STIMATE: variants seen among roughly 807,000 people sequenced by gnomAD.
STIMATE encodes the protein STIM activating enhancer, also known as store-operated calcium entry regulator STIMATE.
A neutral mutation model predicts 36.7 loss-of-function variants in STIMATE; 15 were observed. The ratio of observed to expected loss-of-function variants is 0.41; its 90% CI spans 0.27 to 0.63. STIMATE has a LOEUF of 0.63. Ranked by LOEUF, STIMATE falls within the 20% of genes least tolerant of loss-of-function variation. The pLI is 0.32. For synonymous variants in STIMATE, 163 were observed against 162.3 expected (o/e 1.00, Z -0.03); for missense variants, 305 against 397.3 (o/e 0.77, Z 1.98).
chr3:52,855,917 T>C (rs112125620), intron 1 of STIMATE, among the ~76,000 whole-genome samples: 19 of 152,198 alleles, frequency 1.2e-4, no homozygotes, highest in Non-Finnish European at 2.9e-5. Flanking sequence ...ACATACGGTG[T>C]GACACGTGCT....
chr3:52,840,662 A>G, intron 7 of STIMATE, 52 bp from the exon 8 acceptor site: 1 of 1,527,752 alleles, frequency 6.5e-7, no homozygotes, highest in Non-Finnish European at 8.9e-7. Flanking sequence ...GGCCTTCTTC[A>G]TTTGCCCTCC....
At chr3:52,841,637 G>C (rs538987052) in intron 7 of STIMATE, 32 of 152,526 alleles carry the variant, frequency 2.1e-4, no homozygotes, top group African/African-American at 6.7e-4. Context: ...TCCCTTGCGG[G>C]GCTTCCTGCC....
At chr3:52,874,234 T>C (rs889016872) in intron 1 of STIMATE, among the ~76,000 whole-genome samples, 4 of 152,214 alleles carry the variant, frequency 2.6e-5, no homozygotes, top group Admixed American at 2.0e-4. Context: ...ATACTTACAA[T>C]GCGTGAGTTT....
rs151157709 is a variant in STIMATE at position 52,880,862 on chromosome 3, A to G, written c.160+16429T>C. 5.4e-4 allele frequency among the ~76,000 whole-genome samples: 83 copies of G among 152,342 alleles called. 2 individuals carry two copies. The East Asian group carries it at 0.014, about 26-fold the overall frequency. Reference sequence around the variant, plus strand: ...ATCTTTGTTCACCAATCCATTGTGGACTATAGAAACTCAGATTTCCTACCA... The same window carrying G: ...ATCTTTGTTCACCAATCCATTGTGGGCTATAGAAACTCAGATTTCCTACCA... On this transcript the variant is annotated intron_variant, in intron 1 of 7. Coordinates refer to ENST00000355083, the MANE Select transcript of STIMATE (RefSeq NM_198563.5).
chr3:52,892,674 C>T (rs1225808066), intron 1 of STIMATE, among the ~76,000 whole-genome samples: 3 of 152,220 alleles, frequency 2.0e-5, no homozygotes, highest in Non-Finnish European at 2.9e-5. Flanking sequence ...AGAGTATTCA[C>T]ATGATCTCAA....
At chr3:52,850,788 C>T (rs141233405) in intron 3 of STIMATE, among the ~76,000 whole-genome samples, 50 of 152,268 alleles carry the variant, frequency 3.3e-4, no homozygotes, top group Admixed American at 8.5e-4. Flanking sequence ...TGGAGTGCAG[C>T]GGTGCAATCA....
intron 4 of STIMATE, among the ~76,000 whole-genome samples, chr3:52,847,917 C>T (rs943129407): frequency 9.2e-5 from 14 of 152,046 alleles, no homozygotes; most frequent in Non-Finnish European, 1.6e-4. Context: ...TTGGCTTGGA[C>T]GACGGAAGGA....
chr3:52,897,373 G>A lies in STIMATE; in HGVS notation c.78C>T (p.Arg26=). The A allele has an allele frequency of 6.6e-7, 1 of 1,511,168 alleles. No individual in the cohort carries two copies. The highest frequency in any genetic ancestry group is 8.8e-7 in the Non-Finnish European group (1 of 1,136,534). The allele number at this position is 1,511,168 out of a possible 1,614,324, so 93.6% of individuals were successfully genotyped here. The change falls in exon 1 of 8, where the codon CGC becomes CGT. Residue 26 remains arginine (R), a synonymous_variant. Coordinates refer to ENST00000355083, the MANE Select transcript of STIMATE (RefSeq NM_198563.5). ...PPSTVASGAG[R]CESGALMHSF... is the part of the protein sequence containing the mutation. ...TGTGCATGAGCGCGCCGCTCTCGCA[G>A]CGGCCCGCCCCGGACGCGACTGTGG...
At chr3:52,860,411 C>T (rs895367333) in intron 1 of STIMATE, among the ~76,000 whole-genome samples, 4 of 152,044 alleles carry the variant, frequency 2.6e-5, no homozygotes, top group East Asian at 1.9e-4. Flanking sequence ...GGCCAAGTCA[C>T]GAGGGTCTCG....
At position 52,868,467 on chromosome 3, in the gene STIMATE, C is replaced by T. The variant is rs1244602376; in HGVS notation, c.161-13023G>A. ...CTTGAAATCTAGTTCCAGCTTTATC[C>T]AAAATTTTATGATTTTAAGCCAGTC... On this transcript the variant is annotated intron_variant, in intron 1 of 7. Transcript: ENST00000355083. Among the ~76,000 whole-genome samples the T allele has an allele frequency of 2.0e-5, 3 of 152,130 alleles. No homozygotes were observed. The East Asian group carries it at 5.8e-4, about 29-fold the overall frequency.
At chr3:52,844,471 C>T (rs768440994) in intron 5 of STIMATE, among the ~76,000 whole-genome samples, 1 of 152,228 alleles carries the variant, frequency 6.6e-6, no homozygotes, top group African/African-American at 2.4e-5. Flanking sequence ...CGTGGCACCA[C>T]ATGGCTCAGT....
chr3:52,889,744 G>C (rs1329173299), intron 1 of STIMATE, among the ~76,000 whole-genome samples: 1 of 152,164 alleles, frequency 6.6e-6, no homozygotes, highest in East Asian at 1.9e-4. Context: ...TAGTCCCAAA[G>C]ATAAACAGTG....
intron 1 of STIMATE, among the ~76,000 whole-genome samples, chr3:52,891,490 G>C (rs1701781671): frequency 6.6e-6 from 1 of 152,198 alleles, no homozygotes; most frequent in South Asian, 2.1e-4. Context: ...TCATCACCTG[G>C]AAGTGGGGCA....
intron 1 of STIMATE, among the ~76,000 whole-genome samples, chr3:52,885,839 C>G (rs1196406345): frequency 6.6e-6 from 1 of 152,212 alleles, no homozygotes; most frequent in Non-Finnish European, 1.5e-5. Context: ...GGGAAGACCA[C>G]AGGGCTCACC....
At chr3:52,877,074 T>A (rs1349409613) in intron 1 of STIMATE, among the ~76,000 whole-genome samples, 1 of 152,258 alleles carries the variant, frequency 6.6e-6, no homozygotes, top group Non-Finnish European at 1.5e-5. Context: ...TGAAGTTCAC[T>A]GGCACAGGCC....
At chr3:52,843,098 G>C (rs1202581145) in intron 6 of STIMATE, 138 bp from the exon 7 acceptor site, 2 of 1,410,648 alleles carry the variant, frequency 1.4e-6, no homozygotes, top group Non-Finnish European at 1.9e-6. Context: ...CAATCACCCT[G>C]CTCTCTCCCA....
chr3:52,892,835 G>C (rs1458456520), intron 1 of STIMATE, among the ~76,000 whole-genome samples: 1 of 152,212 alleles, frequency 6.6e-6, no homozygotes, highest in Non-Finnish European at 1.5e-5. Context: ...ATGCCTCCTG[G>C]TGGAATGTAC....
chr3:52,863,384 G>A (rs1439614113), intron 1 of STIMATE, among the ~76,000 whole-genome samples: 1 of 152,152 alleles, frequency 6.6e-6, no homozygotes, highest in Non-Finnish European at 1.5e-5. Flanking sequence ...CAGATCTTGT[G>A]AGACTTATTC....
chr3:52,842,774 G>A (rs371265406), intron 7 of STIMATE, 37 bp downstream of exon 7: 66 of 1,612,866 alleles, frequency 4.1e-5, no homozygotes, highest in African/African-American at 1.6e-4. Flanking sequence ...CCAGCGATAC[G>A]ACGGCTTGGG....
Sources: allele counts gnomAD v4.1 joint callset (sites outside exome capture counted in the v4.1 genomes callset), GRCh38; gene constraint gnomAD v4.1.1; transcripts MANE v1.5; gene names NCBI Gene and HGNC (gene_info 2026-07-23, HGNC 2026-07-21).